Variants in ST8SIA2 observed in about 807,000 individuals in gnomAD.
The protein encoded by ST8SIA2 is ST8 alpha-N-acetyl-neuraminide alpha-2,8-sialyltransferase 2.
Under a neutral mutation model 37.6 loss-of-function variants are expected in ST8SIA2, and 22 were observed. The observed-to-expected ratio is 0.58, with a 90% confidence interval of 0.42 to 0.83. The LOEUF (loss-of-function observed/expected upper bound fraction) is 0.83, where lower values mean the gene tolerates loss of function less well. Ranked by LOEUF, ST8SIA2 falls within the 40% of genes least tolerant of loss-of-function variation. The pLI is 0.00. For missense variants in ST8SIA2, 382 were observed against 484.7 expected (o/e 0.79, Z 1.99); for synonymous variants, 205 against 201.2 (o/e 1.02, Z -0.16).
intron 5 of ST8SIA2, among the ~76,000 whole-genome samples, chr15:92,462,987 A>C (rs1050080522): frequency 2.0e-5 from 3 of 152,192 alleles, no homozygotes. Flanking sequence ...GAATGTTGAG[A>C]CCTGGAGGAT....
At chr15:92,434,469 GA>G in intron 3 of ST8SIA2, 94 bp downstream of exon 3, 1 of 1,574,918 alleles carries the variant, frequency 6.3e-7, no homozygotes, top group South Asian at 1.1e-5. Flanking sequence ...AGTCAGGATA[GA>G]AATAAAATGT....
intron 5 of ST8SIA2, among the ~76,000 whole-genome samples, chr15:92,446,684 G>A (rs578064639): frequency 6.6e-6 from 1 of 152,260 alleles, no homozygotes; most frequent in South Asian, 2.1e-4. Flanking sequence ...ACTTTTAAAT[G>A]GTGCTATCAG....
chr15:92,462,312 T>G (rs2049963059), intron 5 of ST8SIA2, among the ~76,000 whole-genome samples: 1 of 152,208 alleles, frequency 6.6e-6, no homozygotes, highest in Non-Finnish European at 1.5e-5. Context: ...TGAACTTACA[T>G]AGGTTATTGA....
intron 5 of ST8SIA2, among the ~76,000 whole-genome samples, chr15:92,458,962 G>A (rs1256623225): frequency 1.3e-5 from 2 of 152,202 alleles, no homozygotes; most frequent in Admixed American, 6.5e-5. Context: ...CAGGATGCAC[G>A]TGCTTAGTTT....
At chr15:92,410,251 C>T (rs964327473) in intron 1 of ST8SIA2, among the ~76,000 whole-genome samples, 2 of 152,194 alleles carry the variant, frequency 1.3e-5, no homozygotes, top group Non-Finnish European at 1.5e-5. Context: ...AATTCCTTGC[C>T]CTGAAATTTT....
chr15:92,431,427 G>T lies in ST8SIA2; in HGVS notation c.161+1316G>T, dbSNP rs1184787812. ...GTGTCTTCTTTGAGGAGTGTTTAAG[G>T]ATTAGAACCACCAAATGTAAGAATC... On this transcript the variant is annotated intron_variant, in intron 2 of 5. Transcript: ENST00000268164. Among the ~76,000 whole-genome samples, 6 of 152,298 alleles carry T rather than the reference G, an allele frequency of 3.9e-5. No homozygotes were observed. The East Asian group carries it at 1.2e-3, about 29-fold the overall frequency.
chr15:92,420,698 A>C (rs1336713759), intron 1 of ST8SIA2, among the ~76,000 whole-genome samples: 1 of 152,220 alleles, frequency 6.6e-6, no homozygotes, highest in Non-Finnish European at 1.5e-5. Flanking sequence ...AGGAGTCATC[A>C]TAAAAAGAGA....
At chr15:92,445,168 A>C (rs1596245968) in intron 5 of ST8SIA2, 1 of 603,174 alleles carries the variant, frequency 1.7e-6, no homozygotes, top group East Asian at 2.9e-5. Context: ...TAGGGAACTG[A>C]GTTGAGAATG....
intron 1 of ST8SIA2, chr15:92,417,611 T>G (rs1341618847): frequency 6.6e-6 from 1 of 152,198 alleles, no homozygotes; most frequent in African/African-American, 2.4e-5. Context: ...CCATACCATG[T>G]GACATGAATG....
chr15:92,435,700 G>A (rs975501849), intron 3 of ST8SIA2, among the ~76,000 whole-genome samples: 7 of 152,112 alleles, frequency 4.6e-5, no homozygotes, highest in Non-Finnish European at 8.8e-5. Flanking sequence ...ACCATCTGAA[G>A]TAGCTGACTC....
At position 92,438,473 on chromosome 15, in the gene ST8SIA2, G is replaced by C. The variant is rs779258198; in HGVS notation, c.411G>C (p.Gln137His). 30 of 1,614,090 alleles carry C rather than the reference G, an allele frequency of 1.9e-5. No individual in the cohort carries two copies. The Admixed American group carries it at 4.7e-4, about 25-fold the overall frequency. ...FDRDSTMNVS[Q>H]NLYELLPRTS... ...GAGACAGCACCATGAATGTGTCCCA[G>C]AACCTCTACGAGCTCCTCCCCAGGA... Residue 137 changes from glutamine to histidine, a missense_variant, in exon 4 of 6, where the codon CAG (glutamine) becomes CAC (histidine). Coordinates refer to ENST00000268164, the MANE Select transcript of ST8SIA2 (RefSeq NM_006011.4).
In ST8SIA2 at chr15:92,464,072, C is replaced by CTTTTT. The variant is rs34156050; in HGVS notation, c.843-9_843-5dup. 2.7e-3 allele frequency: 3,446 copies of CTTTTT among 1,268,976 alleles called. 55 individuals are homozygous for CTTTTT. The highest frequency in any genetic ancestry group is 0.01 in the South Asian group (648 of 62,972). 78.6% of individuals were successfully genotyped at this position (1,268,976 alleles called of 1,614,324 possible). ...TGACTCACAGACCCATGTTTCTTTT[C>CTTTTT]TTTTTTTTTTTTTTTTTTTTTTTCC... On this transcript the variant is annotated intron_variant, in intron 5 of 5. Coordinates refer to ENST00000268164, the MANE Select transcript of ST8SIA2 (RefSeq NM_006011.4).
At chr15:92,406,272 G>C (rs2049507438) in intron 1 of ST8SIA2, among the ~76,000 whole-genome samples, 2 of 152,176 alleles carry the variant, frequency 1.3e-5, no homozygotes, top group Admixed American at 1.3e-4. Flanking sequence ...GACACCTCCT[G>C]GAGTTTCTGT....
intron 1 of ST8SIA2, among the ~76,000 whole-genome samples, chr15:92,396,996 C>G (rs748849402): frequency 2.0e-5 from 3 of 152,192 alleles, no homozygotes; most frequent in Non-Finnish European, 4.4e-5. Flanking sequence ...ATCCCCAACT[C>G]ACTCCGGACC....
chr15:92,445,715 G>A (rs1175729745), intron 5 of ST8SIA2, among the ~76,000 whole-genome samples: 1 of 152,182 alleles, frequency 6.6e-6, no homozygotes, highest in Non-Finnish European at 1.5e-5. Context: ...TCCTGGTTAG[G>A]CCTGGATCTC....
At chr15:92,449,792 T>C (rs950695129) in intron 5 of ST8SIA2, among the ~76,000 whole-genome samples, 3 of 152,230 alleles carry the variant, frequency 2.0e-5, no homozygotes, top group African/African-American at 7.2e-5. Flanking sequence ...TGGCCACTTA[T>C]TTGTCTTCTT....
chr15:92,424,756 C>T (rs1048152848), intron 1 of ST8SIA2, among the ~76,000 whole-genome samples: 4 of 151,970 alleles, frequency 2.6e-5, no homozygotes, highest in East Asian at 1.9e-4. Context: ...GGACTACAGG[C>T]GCACGCCATC....
intron 4 of ST8SIA2, among the ~76,000 whole-genome samples, chr15:92,441,187 T>C (rs2049798677): frequency 6.6e-6 from 1 of 152,166 alleles, no homozygotes; most frequent in Non-Finnish European, 1.5e-5. Context: ...AAACTCTGTG[T>C]GGGGAACACA....
chr15:92,453,274 TC>T (rs1432674491), intron 5 of ST8SIA2, among the ~76,000 whole-genome samples: 2 of 152,162 alleles, frequency 1.3e-5, no homozygotes, highest in African/African-American at 4.8e-5. Context: ...CAGAGAGACC[TC>T]TCTGAACCAG....
Sources: gnomAD v4.1 joint callset for allele counts (sites outside exome capture counted in the v4.1 genomes callset) on GRCh38, gnomAD v4.1.1 for gene constraint, MANE v1.5 for transcripts, NCBI Gene and HGNC (gene_info 2026-07-23, HGNC 2026-07-21) for gene names.